The following ARHGAP26 variants were observed in gnomAD, a reference collection of about 807,000 sequenced individuals.
ARHGAP26 encodes the protein rho GTPase-activating protein 26.
ARHGAP26 carries 38 observed loss-of-function variants against 104.8 expected under a neutral mutation model. That is an observed-to-expected ratio of 0.36 (90% CI 0.28 to 0.48). The LOEUF (loss-of-function observed/expected upper bound fraction) is 0.48, where lower values mean the gene tolerates loss of function less well. Ranked by LOEUF, ARHGAP26 falls within the 20% of genes least tolerant of loss-of-function variation. The pLI, the probability that ARHGAP26 is intolerant of heterozygous loss-of-function variation, is 0.99. For missense variants in ARHGAP26, 704 were observed against 947.9 expected (o/e 0.74, Z 3.38); for synonymous variants, 341 against 340.0 (o/e 1.00, Z -0.03).
chr5:143,055,787 A>C (rs1262124128), intron 15 of ARHGAP26, among the ~76,000 whole-genome samples: 1 of 152,244 alleles, frequency 6.6e-6, no homozygotes, highest in African/African-American at 2.4e-5. Context: ...CTCTTGCATT[A>C]GCACTATTTT....
At chr5:142,956,407 C>G (rs573644248) in intron 11 of ARHGAP26, among the ~76,000 whole-genome samples, 6 of 151,966 alleles carry the variant, frequency 3.9e-5, no homozygotes, top group Non-Finnish European at 7.4e-5. Context: ...AAGAACTGGT[C>G]TCTACTAAAA....
At chr5:142,931,603 C>G (rs1020107992) in intron 10 of ARHGAP26, among the ~76,000 whole-genome samples, 2 of 152,064 alleles carry the variant, frequency 1.3e-5, no homozygotes, top group Non-Finnish European at 2.9e-5. Flanking sequence ...TATTAGGAGA[C>G]AAGCATGCCT....
chr5:142,800,785 C>T (rs1339449707), intron 1 of ARHGAP26, among the ~76,000 whole-genome samples: 1 of 152,226 alleles, frequency 6.6e-6, no homozygotes, highest in Non-Finnish European at 1.5e-5. Flanking sequence ...TTCTCTTGTG[C>T]TCACGTGTGA....
intron 11 of ARHGAP26, among the ~76,000 whole-genome samples, chr5:142,981,427 C>T (rs1365961778): frequency 6.6e-6 from 1 of 152,118 alleles, no homozygotes; most frequent in Non-Finnish European, 1.5e-5. Context: ...AGTCTAAATG[C>T]CCTGGTGGTC....
At chr5:143,040,047 T>C (rs1237815574) in intron 13 of ARHGAP26, among the ~76,000 whole-genome samples, 1 of 152,166 alleles carries the variant, frequency 6.6e-6, no homozygotes, top group Non-Finnish European at 1.5e-5. Context: ...AGACTTCCCA[T>C]ACTCTCTGGG....
In ARHGAP26 at chr5:142,903,684, T is replaced by G. The variant is rs1418474275; in HGVS notation, c.832+15T>G. On this transcript the variant is annotated intron_variant, in intron 8 of 22. Transcript: ENST00000645722. Reference sequence around the variant, plus strand: ...GCAGGAGAAACGTGAGTGCTTTGACTAGCAACAGCTTGGGATGTACTCAGG... The same window carrying G: ...GCAGGAGAAACGTGAGTGCTTTGACGAGCAACAGCTTGGGATGTACTCAGG... 5 of 1,612,196 alleles carry G rather than the reference T, an allele frequency of 3.1e-6. No individual in the cohort carries two copies. Among genetic ancestry groups the G allele is most frequent in the Non-Finnish European group, 4.2e-6 (5 of 1,179,190 alleles).
intron 1 of ARHGAP26, among the ~76,000 whole-genome samples, chr5:142,818,370 GGTGCTGT>G (rs977389841): frequency 2.6e-5 from 4 of 152,236 alleles, no homozygotes; most frequent in Non-Finnish European, 1.5e-5. Context: ...CTTGTTTCTT[GGTGCTGT>G]GCCCATAGGT....
chr5:142,990,568 T>C (rs141771018), intron 11 of ARHGAP26, among the ~76,000 whole-genome samples: 1,720 of 152,330 alleles, frequency 0.011, 32 homozygotes, highest in African/African-American at 0.039. Context: ...GCTTTTCTGC[T>C]CTGGTTTCTC....
chr5:143,031,556 G>A (rs1348704200), intron 12 of ARHGAP26, among the ~76,000 whole-genome samples: 1 of 151,012 alleles, frequency 6.6e-6, no homozygotes, highest in African/African-American at 2.4e-5. Flanking sequence ...ATAATTTTCC[G>A]ACCACCTACA....
At chr5:143,177,413 A>C (rs1005965830) in intron 20 of ARHGAP26, among the ~76,000 whole-genome samples, 2 of 152,196 alleles carry the variant, frequency 1.3e-5, no homozygotes, top group African/African-American at 4.8e-5. Flanking sequence ...CCCAGTGAAA[A>C]CAGGACTCAT....
chr5:143,024,807 A>G (rs1218728325), intron 12 of ARHGAP26, among the ~76,000 whole-genome samples: 1 of 152,182 alleles, frequency 6.6e-6, no homozygotes, highest in South Asian at 2.1e-4. Context: ...GCAGCTCACA[A>G]TCGGCATGTA....
intron 11 of ARHGAP26, among the ~76,000 whole-genome samples, chr5:142,949,188 A>AGAGAGAGAGAGAGAGAGAG (rs1767731545): frequency 2.9e-5 from 1 of 34,752 alleles, no homozygotes; most frequent in African/African-American, 3.1e-4. Flanking sequence ...AGAGAGAGAG[A>AGAGAGAGAGAGAGAGAGAG]GAGAGAGAGA....
chr5:142,998,671 C>T (rs1292754135), intron 11 of ARHGAP26, among the ~76,000 whole-genome samples: 1 of 152,038 alleles, frequency 6.6e-6, no homozygotes, highest in African/African-American at 2.4e-5. Context: ...GTTCAGTGAG[C>T]TGTGATCGAG....
intron 11 of ARHGAP26, among the ~76,000 whole-genome samples, chr5:142,987,856 G>A (rs1282095905): frequency 5.3e-5 from 8 of 152,152 alleles, no homozygotes; most frequent in Admixed American, 3.9e-4. Flanking sequence ...CCACTTGATC[G>A]TGGTAGATAA....
At chr5:142,942,340 A>G (rs1766483005) in intron 11 of ARHGAP26, among the ~76,000 whole-genome samples, 1 of 152,240 alleles carries the variant, frequency 6.6e-6, no homozygotes, top group African/African-American at 2.4e-5. Context: ...ATACATGGTT[A>G]CAAAAGAAAA....
At chr5:143,152,759 T>C (rs186669854) in intron 20 of ARHGAP26, among the ~76,000 whole-genome samples, 3 of 152,332 alleles carry the variant, frequency 2.0e-5, no homozygotes, top group African/African-American at 7.2e-5. Context: ...AGTCACCATG[T>C]AAAGAAGCCT....
chr5:143,142,679 A>C (rs1397469176), intron 19 of ARHGAP26, among the ~76,000 whole-genome samples: 1 of 152,156 alleles, frequency 6.6e-6, no homozygotes, highest in Admixed American at 6.5e-5. Flanking sequence ...CAGGGGGTAA[A>C]AATTGCTTCA....
chr5:142,805,517 T>C (rs969922131), intron 1 of ARHGAP26, among the ~76,000 whole-genome samples: 5 of 152,250 alleles, frequency 3.3e-5, no homozygotes, highest in Admixed American at 1.3e-4. Flanking sequence ...GGATGTATCA[T>C]TTCTCTTGGG....
chr5:142,885,223 T>A, intron 4 of ARHGAP26, 75 bp from the exon 5 acceptor site: 1 of 1,223,574 alleles, frequency 8.2e-7, no homozygotes, highest in South Asian at 1.2e-5. Context: ...AGCAGAAGGA[T>A]CTTGAGAGAT....
Sources: allele counts gnomAD v4.1 joint callset (sites outside exome capture counted in the v4.1 genomes callset), GRCh38; gene constraint gnomAD v4.1.1; transcripts MANE v1.5; gene names NCBI Gene and HGNC (gene_info 2026-07-23, HGNC 2026-07-21).